Variants in NTNG2 observed in about 807,000 individuals in gnomAD.
NTNG2 encodes the protein netrin G2.
Under a neutral mutation model 47.6 loss-of-function variants are expected in NTNG2, and 15 were observed. The observed-to-expected ratio is 0.32, with a 90% CI of 0.21 to 0.49. The LOEUF (loss-of-function observed/expected upper bound fraction) is 0.49. Ranked by LOEUF, NTNG2 falls within the 20% of genes least tolerant of loss-of-function variation. The pLI is 0.99. For synonymous variants in NTNG2, 307 were observed against 324.6 expected, an observed-to-expected ratio of 0.95 and a Z score of 0.58; for missense variants, 578 against 764.6, an observed-to-expected ratio of 0.76 and a Z score of 2.88.
At chr9:132,211,713 C>T (rs968659814) in intron 3 of NTNG2, among the ~76,000 whole-genome samples, 5 of 152,176 alleles carry the variant, frequency 3.3e-5, no homozygotes, top group African/African-American at 1.2e-4. Context: ...ACCTGTGCAA[C>T]CAGCCCCTCG....
At chr9:132,205,228 T>G (rs938535517) in intron 3 of NTNG2, among the ~76,000 whole-genome samples, 2 of 152,106 alleles carry the variant, frequency 1.3e-5, no homozygotes, top group Non-Finnish European at 2.9e-5. Context: ...CATCAACAAA[T>G]GAAGACATAA....
At chr9:132,186,711 C>T (rs896559132) in intron 2 of NTNG2, among the ~76,000 whole-genome samples, 1 of 152,382 alleles carries the variant, frequency 6.6e-6, no homozygotes. Flanking sequence ...ACTAAGCAGT[C>T]GATCTGCTGG....
At chr9:132,229,619 T>A (rs986664104) in intron 4 of NTNG2, among the ~76,000 whole-genome samples, 1 of 152,214 alleles carries the variant, frequency 6.6e-6, no homozygotes, top group Non-Finnish European at 1.5e-5. Flanking sequence ...TTACTGTGGC[T>A]GCACCCCGAG....
chr9:132,232,177 G>A (rs1038041658), intron 5 of NTNG2: 1 of 152,426 alleles, frequency 6.6e-6, no homozygotes, highest in Non-Finnish European at 1.5e-5. Flanking sequence ...TCTCCCAATG[G>A]TGCTTCTGCC....
At chr9:132,225,217 C>CTTTTG (rs1463156445) in intron 3 of NTNG2, among the ~76,000 whole-genome samples, 4 of 91,312 alleles carry the variant, frequency 4.4e-5, no homozygotes, top group African/African-American at 1.9e-4. Context: ...ATGGCTGGCC[C>CTTTTG]TTTTGTTTTG....
chr9:132,195,465 C>T lies in NTNG2; in HGVS notation c.214-2501C>T, dbSNP rs570629391. On this transcript the variant is annotated intron_variant, in intron 2 of 7. Transcript: ENST00000393229. ...CTGGGACTACAGGCGCCCACCACCACGCCTGGCTATTTTTTTTTTTTTTTT... is the reference window on the plus strand; with the variant it reads ...CTGGGACTACAGGCGCCCACCACCATGCCTGGCTATTTTTTTTTTTTTTTT... 1.1e-4 allele frequency among the ~76,000 whole-genome samples: 16 copies of T among 149,488 alleles called. No homozygotes were observed. In the South Asian group the frequency reaches 2.1e-3, roughly 20 times the overall value.
intron 5 of NTNG2, among the ~76,000 whole-genome samples, chr9:132,234,115 C>T (rs2130998360): frequency 6.7e-6 from 1 of 149,086 alleles, no homozygotes; most frequent in South Asian, 2.1e-4. Flanking sequence ...GCAACCTCCG[C>T]CCCCCCAGGT....
chr9:132,206,393 G>A (rs549427369), intron 3 of NTNG2, among the ~76,000 whole-genome samples: 5 of 152,330 alleles, frequency 3.3e-5, no homozygotes, highest in Admixed American at 2.0e-4. Context: ...TTGGCCGGGC[G>A]TGGTGGCTCA....
At chr9:132,216,270 C>T (rs1464677099) in intron 3 of NTNG2, among the ~76,000 whole-genome samples, 1 of 152,132 alleles carries the variant, frequency 6.6e-6, no homozygotes, top group Non-Finnish European at 1.5e-5. Flanking sequence ...TACTGTGTGC[C>T]AGGCAGTGTG....
At chr9:132,192,158 C>T (rs185444479) in intron 2 of NTNG2, among the ~76,000 whole-genome samples, 2 of 152,204 alleles carry the variant, frequency 1.3e-5, no homozygotes, top group Admixed American at 1.3e-4. Flanking sequence ...CCTTCACCCC[C>T]ACTCAGAGGA....
chr9:132,181,169 G>A (rs531172216), intron 2 of NTNG2, among the ~76,000 whole-genome samples: 1 of 149,864 alleles, frequency 6.7e-6, no homozygotes, highest in Non-Finnish European at 1.5e-5. Flanking sequence ...CTGCAGCCTC[G>A]ACCTCCTGGG....
chr9:132,205,117 C>G (rs55707388), intron 3 of NTNG2, among the ~76,000 whole-genome samples: 5 of 151,968 alleles, frequency 3.3e-5, no homozygotes, highest in African/African-American at 4.8e-5. Flanking sequence ...TAGGTATAGA[C>G]CCAACAGAAC....
intron 3 of NTNG2, among the ~76,000 whole-genome samples, chr9:132,199,708 CT>C (rs1838595474): frequency 1.4e-4 from 18 of 127,462 alleles, no homozygotes; most frequent in African/African-American, 7.5e-4. Flanking sequence ...AACATGGACA[CT>C]CTTCCTAGAC....
rs147053586 is a variant in NTNG2, at chr9:132,166,909, G to C, written c.78G>C (p.Val26=). Residue 26 remains valine (V), a synonymous_variant, in exon 2 of 8, where the codon GTG becomes GTC. Coordinates refer to ENST00000393229, the MANE Select transcript of NTNG2 (RefSeq NM_032536.4). ...ACTATGACATCTGCAAATCCTGGGTGACCACAGATGAGGGCCCCACCTGGG... is the reference window on the plus strand; with the variant it reads ...ACTATGACATCTGCAAATCCTGGGTCACCACAGATGAGGGCCCCACCTGGG... The part of the protein sequence containing the change: ...SGDYDICKSW[V]TTDEGPTWEF... 22 of 1,614,220 alleles carry C rather than the reference G, an allele frequency of 1.4e-5. No individual in the cohort carries two copies. Among genetic ancestry groups the C allele is most frequent in the Admixed American group, 5.0e-5 (3 of 60,034 alleles).
At position 132,188,325 on chromosome 9, in the gene NTNG2, G is replaced by A. The variant is rs370732838; in HGVS notation, c.214-9641G>A. Among the ~76,000 whole-genome samples the A allele has an allele frequency of 3.0e-4, 45 of 152,364 alleles. No homozygotes were observed. The East Asian group carries it at 8.5e-3, about 29-fold the overall frequency. ...GGCAAATCAGCAACAGCAGTCAAGAGACGTGCCGCCTGCCTCCCCGTGGAA... is the reference window on the plus strand; with the variant it reads ...GGCAAATCAGCAACAGCAGTCAAGAAACGTGCCGCCTGCCTCCCCGTGGAA... On this transcript the variant is annotated intron_variant, in intron 2 of 7. Transcript: ENST00000393229.
chr9:132,169,844 T>C (rs1169691026), intron 2 of NTNG2, among the ~76,000 whole-genome samples: 1 of 152,228 alleles, frequency 6.6e-6, no homozygotes, highest in African/African-American at 2.4e-5. Flanking sequence ...CTTTGCTTCT[T>C]CCCCGGGCTC....
At chr9:132,222,245 G>A (rs1422150144) in intron 3 of NTNG2, among the ~76,000 whole-genome samples, 1 of 152,172 alleles carries the variant, frequency 6.6e-6, no homozygotes, top group Non-Finnish European at 1.5e-5. Flanking sequence ...TGACCAAAAA[G>A]GTTTAAGCAC....
At chr9:132,214,584 G>C (rs1295403454) in intron 3 of NTNG2, among the ~76,000 whole-genome samples, 2 of 152,220 alleles carry the variant, frequency 1.3e-5, no homozygotes, top group Non-Finnish European at 2.9e-5. Flanking sequence ...CTGAAAAGGT[G>C]GCTGTGGCTC....
At chr9:132,235,966 C>G (rs888561628) in intron 5 of NTNG2, among the ~76,000 whole-genome samples, 6 of 152,172 alleles carry the variant, frequency 3.9e-5, no homozygotes, top group Non-Finnish European at 7.4e-5. Context: ...AGCTCACCTG[C>G]TTCAAGAGGT....
Sources: gnomAD v4.1 joint callset for allele counts (sites outside exome capture counted in the v4.1 genomes callset) on GRCh38, gnomAD v4.1.1 for gene constraint, MANE v1.5 for transcripts, NCBI Gene and HGNC (gene_info 2026-07-23, HGNC 2026-07-21) for gene names.